Variants in MAGI1 observed in about 807,000 individuals in gnomAD.
MAGI1 encodes membrane-associated guanylate kinase, WW and PDZ domain-containing protein 1.
In MAGI1, 58 loss-of-function variants were observed where a neutral mutation model predicts 139.9. The ratio of observed to expected loss-of-function variants is 0.41; its 90% CI spans 0.34 to 0.52. The LOEUF (loss-of-function observed/expected upper bound fraction) is 0.52. MAGI1 is among the 20% of genes least tolerant of loss of function. MAGI1 has a pLI of 0.12. For missense variants in MAGI1, 1,874 were observed against 1,901.6 expected (o/e 0.99, Z 0.27); for synonymous variants, 812 against 737.9 (o/e 1.10, Z -1.63).
chr3:65,918,493 G>A (rs1372583631), intron 1 of MAGI1, among the ~76,000 whole-genome samples: 2 of 148,776 alleles, frequency 1.3e-5, no homozygotes, highest in Non-Finnish European at 3.0e-5. Flanking sequence ...CAATTCTCCT[G>A]CCTCAGCCTC....
intron 1 of MAGI1, chr3:65,874,897 A>G (rs1477400721): frequency 6.6e-6 from 1 of 152,666 alleles, no homozygotes; most frequent in Non-Finnish European, 1.5e-5. Context: ...ATATGTATCT[A>G]TAGAATGGAA....
chr3:65,426,878 T>C (rs1195038537), intron 12 of MAGI1, among the ~76,000 whole-genome samples: 2 of 152,226 alleles, frequency 1.3e-5, no homozygotes, highest in Admixed American at 6.5e-5. Flanking sequence ...TTTAAATTAC[T>C]CATGTTCTGA....
intron 3 of MAGI1, among the ~76,000 whole-genome samples, chr3:65,485,125 A>G (rs1183771364): frequency 1.3e-5 from 2 of 152,188 alleles, no homozygotes; most frequent in Non-Finnish European, 2.9e-5. Flanking sequence ...TTTTAATAGC[A>G]TGACTCACAA....
At chr3:65,780,022 T>G (rs1267826608) in intron 1 of MAGI1, among the ~76,000 whole-genome samples, 18 of 106,758 alleles carry the variant, frequency 1.7e-4, no homozygotes, top group East Asian at 1.3e-3. Context: ...ATCAATTTTT[T>G]GGGGGGGGAA....
intron 12 of MAGI1, among the ~76,000 whole-genome samples, chr3:65,410,549 T>C (rs1945713896): frequency 6.6e-6 from 1 of 152,206 alleles, no homozygotes; most frequent in African/African-American, 2.4e-5. Flanking sequence ...ACCAAATGCA[T>C]TTACAGAAAA....
At chr3:66,001,675 T>A (rs2066748499) in intron 1 of MAGI1, among the ~76,000 whole-genome samples, 1 of 152,210 alleles carries the variant, frequency 6.6e-6, no homozygotes, top group African/African-American at 2.4e-5. Context: ...GAAACTTACA[T>A]GTCCGTGGCC....
chr3:65,875,286 T>G (rs888650667), intron 1 of MAGI1, among the ~76,000 whole-genome samples: 3 of 152,178 alleles, frequency 2.0e-5, no homozygotes, highest in Admixed American at 1.3e-4. Flanking sequence ...GTTGAGATGA[T>G]GAAAATGTTA....
At chr3:65,981,858 T>C (rs2065599597) in intron 1 of MAGI1, among the ~76,000 whole-genome samples, 1 of 152,202 alleles carries the variant, frequency 6.6e-6, no homozygotes, top group Non-Finnish European at 1.5e-5. Context: ...TGTGAGTCCA[T>C]TAAACCTATT....
At chr3:65,706,893 T>C (rs752861282) in intron 1 of MAGI1, among the ~76,000 whole-genome samples, 5 of 152,190 alleles carry the variant, frequency 3.3e-5, no homozygotes, top group Non-Finnish European at 7.3e-5. Context: ...AAGACTTTAT[T>C]CAGGATGCTC....
At chr3:65,510,163 T>A (rs1456646228) in intron 2 of MAGI1, among the ~76,000 whole-genome samples, 1 of 152,060 alleles carries the variant, frequency 6.6e-6, no homozygotes, top group Admixed American at 6.5e-5. Flanking sequence ...TACATCACCA[T>A]CATCAAAGAG....
rs201771614 is a variant in MAGI1 at position 65,498,438 on chromosome 3, G to GA, written c.431-4808dup. Among the ~76,000 whole-genome samples the GA allele has an allele frequency of 5.0e-4, 76 of 150,524 alleles. No homozygotes were observed. The East Asian group carries it at 9.2e-3, about 18-fold the overall frequency. The stretch of plus-strand genomic sequence containing the variant: ...GCACAGCGTCCAACCCCCCAAAAAA[G>GA]AAAAAAAAATATATAACGCTGGGAA... On this transcript the variant is annotated intron_variant, in intron 2 of 22. Coordinates refer to ENST00000402939, the MANE Select transcript of MAGI1 (RefSeq NM_001033057.2).
chr3:65,444,333 G>A (rs1948535281), intron 7 of MAGI1, among the ~76,000 whole-genome samples: 1 of 152,010 alleles, frequency 6.6e-6, no homozygotes, highest in Non-Finnish European at 1.5e-5. Context: ...CCATTTAAAT[G>A]AAAATGAACC....
intron 1 of MAGI1, among the ~76,000 whole-genome samples, chr3:65,676,515 G>A (rs2087200978): frequency 6.6e-6 from 1 of 152,074 alleles, no homozygotes; most frequent in Admixed American, 6.6e-5. Context: ...GAATAAGGAA[G>A]AAAAACACTC....
chr3:65,667,590 G>A (rs2086608249), intron 1 of MAGI1, among the ~76,000 whole-genome samples: 1 of 152,132 alleles, frequency 6.6e-6, no homozygotes, highest in South Asian at 2.1e-4. Flanking sequence ...ATTATTTTAT[G>A]AGACAGGATC....
chr3:65,497,023 G>A (rs1471660195), intron 2 of MAGI1, among the ~76,000 whole-genome samples: 1 of 152,062 alleles, frequency 6.6e-6, no homozygotes, highest in Non-Finnish European at 1.5e-5. Flanking sequence ...TTTGGGAAAA[G>A]GGAAAATCAA....
At position 65,693,078 on chromosome 3, in the gene MAGI1, G is replaced by T. The variant is rs551199677; in HGVS notation, c.314-70990C>A. Reference sequence around the variant, plus strand: ...ACTTGAGTAGCTAGGACCTACCATAGGCATGAGATACTATGCCTGGCTATT... The same window carrying T: ...ACTTGAGTAGCTAGGACCTACCATATGCATGAGATACTATGCCTGGCTATT... On this transcript the variant is annotated intron_variant, in intron 1 of 22. Coordinates refer to ENST00000402939, the MANE Select transcript of MAGI1 (RefSeq NM_001033057.2). 8.9e-4 allele frequency among the ~76,000 whole-genome samples: 136 copies of T among 152,010 alleles called. 2 individuals are homozygous for T. The highest frequency in any genetic ancestry group is 3.2e-3 in the African/African-American group (134 of 41,462).
chr3:65,361,358 T>C, intron 21 of MAGI1, 21 bp from the exon 22 acceptor site: 2 of 1,611,174 alleles, frequency 1.2e-6, no homozygotes, highest in Non-Finnish European at 1.7e-6. Flanking sequence ...AAAAGAAAAC[T>C]AAGTGAGATT....
intron 1 of MAGI1, among the ~76,000 whole-genome samples, chr3:65,912,114 C>T (rs1374511437): frequency 6.6e-6 from 1 of 151,862 alleles, no homozygotes; most frequent in Non-Finnish European, 1.5e-5. Flanking sequence ...TGTCATCTCT[C>T]GAGTCTAGAT....
chr3:65,724,600 T>C (rs2033402630), intron 1 of MAGI1, among the ~76,000 whole-genome samples: 2 of 152,208 alleles, frequency 1.3e-5, no homozygotes, highest in Non-Finnish European at 2.9e-5. Flanking sequence ...ATTTGTTAAA[T>C]ATATAAATGA....
Sources: allele counts gnomAD v4.1 joint callset (sites outside exome capture counted in the v4.1 genomes callset), GRCh38; gene constraint gnomAD v4.1.1; transcripts MANE v1.5; gene names NCBI Gene and HGNC (gene_info 2026-07-23, HGNC 2026-07-21).